GFPT1: variants seen among roughly 807,000 people sequenced by gnomAD.
GFPT1 encodes glutamine--fructose-6-phosphate aminotransferase [isomerizing] 1.
A neutral mutation model predicts 92.0 loss-of-function variants in GFPT1; 40 were observed. That is an observed-to-expected ratio of 0.43 (90% CI 0.34 to 0.57). The LOEUF (loss-of-function observed/expected upper bound fraction) is 0.57. Ranked by LOEUF, GFPT1 falls within the 20% of genes least tolerant of loss-of-function variation. GFPT1 has a pLI of 0.02. For missense variants in GFPT1, 448 were observed against 869.1 expected (o/e 0.52, Z 6.09); for synonymous variants, 269 against 280.6 (o/e 0.96, Z 0.41).
chr2:69,326,362 T>C lies in GFPT1; in HGVS notation c.2056-129A>G, dbSNP rs930009405. The C allele has an allele frequency of 1.0e-5, 7 of 667,708 alleles. No homozygotes were observed. In the African/African-American group the frequency reaches 1.3e-4, roughly 12 times the overall value. The allele number at this position is 667,708 out of a possible 1,614,324, so 41.4% of individuals were successfully genotyped here. ...CAATACATTCATTAACCATCTTTAT[T>C]ACAGACTACAAAGAATTAGATTAGA... On this transcript the variant is annotated intron_variant, in intron 19 of 19. Transcript: ENST00000357308.
intron 14 of GFPT1, among the ~76,000 whole-genome samples, 182 bp from the exon 15 acceptor site, chr2:69,338,237 T>A (rs1279645019): frequency 6.6e-6 from 1 of 152,220 alleles, no homozygotes. Context: ...CTCTCTTCCT[T>A]CTCTGTCATT....
At chr2:69,342,043 G>A (rs1670966056) in intron 13 of GFPT1, 109 bp downstream of exon 13, 6 of 636,798 alleles carry the variant, frequency 9.4e-6, no homozygotes, top group Non-Finnish European at 1.6e-5. Context: ...AAAGGGAAAA[G>A]ATAACACATT....
chr2:69,349,243 G>A (rs117327951), intron 10 of GFPT1, among the ~76,000 whole-genome samples: 2 of 152,220 alleles, frequency 1.3e-5, no homozygotes, highest in East Asian at 1.9e-4. Context: ...ATCTCCTGAC[G>A]CTAGCATATG....
intron 18 of GFPT1, among the ~76,000 whole-genome samples, chr2:69,327,691 T>A (rs933573926): frequency 1.2e-4 from 18 of 152,090 alleles, no homozygotes; most frequent in African/African-American, 4.3e-4. Context: ...TTAGAAGTAT[T>A]AAATTAAAAA....
rs1291241857 is a variant in GFPT1, at chr2:69,321,655, T to C, written c.*4534A>G. 1 of 152,178 alleles carries C rather than the reference T, an allele frequency of 6.6e-6. No homozygotes were observed. The highest frequency in any genetic ancestry group is 1.5e-5 in the Non-Finnish European group (1 of 68,024). 9.4% of individuals were successfully genotyped at this position (152,178 alleles called of 1,614,324 possible). A position where few individuals can be genotyped will look rare whatever the true frequency, so the allele number is the denominator to read the frequency against. ...TCACAAAACTGAAACAAAGCAAAGATGATCCTAAAATTTCCACTTCTCAAG... is the reference window on the plus strand; with the variant it reads ...TCACAAAACTGAAACAAAGCAAAGACGATCCTAAAATTTCCACTTCTCAAG... On this transcript the variant is annotated 3_prime_UTR_variant, in exon 20 of 20. Transcript: ENST00000357308.
rs1380591110 is a variant in GFPT1 at position 69,354,587 on chromosome 2, G to A, written c.606-19C>T. The A allele has an allele frequency of 1.3e-6, 2 of 1,504,268 alleles. No homozygotes were observed. Among genetic ancestry groups the A allele is most frequent in the Non-Finnish European group, 1.9e-6 (2 of 1,080,062 alleles). 93.2% of individuals were successfully genotyped at this position (1,504,268 alleles called of 1,614,324 possible). A position where few individuals can be genotyped will look rare whatever the true frequency, so the allele number is the denominator to read the frequency against. On this transcript the variant is annotated intron_variant, in intron 7 of 19. Coordinates refer to ENST00000357308, the MANE Select transcript of GFPT1 (RefSeq NM_001244710.2). ...ACCTCGCCTGTAAATTGCAAAAGCA[G>A]TTAGAATTAAACCATTTTTATAAAT...
At position 69,322,233 on chromosome 2, in the gene GFPT1, C is replaced by A. The variant is rs1414671317; in HGVS notation, c.*3956G>T. On this transcript the variant is annotated 3_prime_UTR_variant, in exon 20 of 20. Transcript: ENST00000357308. ...AATATCATAAAATGAAAATATCACT[C>A]CCTTCAATTTCTTTGGCCTTCACAA... is the stretch of plus-strand genomic sequence containing the variant. 3 of 152,128 alleles carry A rather than the reference C, an allele frequency of 2.0e-5. No individual in the cohort carries two copies. Among genetic ancestry groups the A allele is most frequent in the Non-Finnish European group, 4.4e-5 (3 of 68,010 alleles). The allele number at this position is 152,128 out of a possible 1,614,324, so 9.4% of individuals were successfully genotyped here. A position where few individuals can be genotyped will look rare whatever the true frequency, so the allele number is the denominator to read the frequency against.
intron 1 of GFPT1, among the ~76,000 whole-genome samples, chr2:69,382,048 G>C (rs1484634809): frequency 6.6e-6 from 1 of 151,812 alleles, no homozygotes; most frequent in East Asian, 1.9e-4. Flanking sequence ...ATTTTTAGTA[G>C]AGATGGGGCT....
chr2:69,329,598 C>T (rs1558728327), intron 16 of GFPT1, 86 bp downstream of exon 16: 3 of 1,030,564 alleles, frequency 2.9e-6, no homozygotes, highest in Non-Finnish European at 4.6e-6. Context: ...TAAATAGCTA[C>T]AAGCCACAGC....
At chr2:69,370,159 A>C in intron 2 of GFPT1, 51 bp from the exon 3 acceptor site, 1 of 1,085,394 alleles carries the variant, frequency 9.2e-7, no homozygotes, top group South Asian at 1.2e-5. Context: ...GCTACTGATA[A>C]AATTATTAAT....
chr2:69,344,186 C>CAAAAAAAAAAAAA (rs10602884), intron 12 of GFPT1, among the ~76,000 whole-genome samples: 4 of 64,524 alleles, frequency 6.2e-5, no homozygotes, highest in Admixed American at 1.9e-4. Context: ...AAAAGCAAAG[C>CAAAAAAAAAAAAA]AAAAAAAAAA....
intron 7 of GFPT1, 42 bp downstream of exon 7, chr2:69,356,454 A>C (rs1671340340): frequency 7.3e-7 from 1 of 1,364,554 alleles, no homozygotes; most frequent in South Asian, 1.2e-5. Flanking sequence ...ATGTAACTCA[A>C]ATATGTTGAA....
In GFPT1 at chr2:69,329,833, C is replaced by T. The variant is rs778236518; in HGVS notation, c.1483-35G>A. 7.8e-6 allele frequency: 8 copies of T among 1,019,228 alleles called. No individual in the cohort carries two copies. The South Asian group carries it at 8.8e-5, about 11-fold the overall frequency. 63.1% of individuals were successfully genotyped at this position (1,019,228 alleles called of 1,614,324 possible). ...CACAAAAAAGCAGGACAATTAGTTG[C>T]AGCTGCATCTGAAGAATTTAGAACT... On this transcript the variant is annotated intron_variant, in intron 15 of 19. Coordinates refer to ENST00000357308, the MANE Select transcript of GFPT1 (RefSeq NM_001244710.2).
chr2:69,330,381 G>A (rs1670631036), intron 15 of GFPT1, among the ~76,000 whole-genome samples: 2 of 152,026 alleles, frequency 1.3e-5, no homozygotes, highest in African/African-American at 4.8e-5. Context: ...CCCTAAGAAA[G>A]GAAGGAAAAG....
At chr2:69,346,255 T>G (rs1296424858) in intron 11 of GFPT1, among the ~76,000 whole-genome samples, 1 of 152,172 alleles carries the variant, frequency 6.6e-6, no homozygotes, top group Non-Finnish European at 1.5e-5. Context: ...TTTTTTTTTT[T>G]TGAGACGGAG....
chr2:69,339,031 G>C (rs1372622927), intron 13 of GFPT1, among the ~76,000 whole-genome samples: 1 of 152,036 alleles, frequency 6.6e-6, no homozygotes. Context: ...TGATCTGCTC[G>C]CCTCAGCCTC....
chr2:69,359,151 C>A, intron 5 of GFPT1, 117 bp downstream of exon 5: 1 of 724,626 alleles, frequency 1.4e-6, no homozygotes. Flanking sequence ...TGGAATTGTC[C>A]AAGAAATTAA....
At chr2:69,366,968 C>A (rs1244080581) in intron 3 of GFPT1, among the ~76,000 whole-genome samples, 1 of 152,182 alleles carries the variant, frequency 6.6e-6, no homozygotes, top group Non-Finnish European at 1.5e-5. Flanking sequence ...CCCAACTACC[C>A]ATACTCAGAG....
intron 19 of GFPT1, 33 bp from the exon 20 acceptor site, chr2:69,326,266 G>C: frequency 6.6e-7 from 1 of 1,504,066 alleles, no homozygotes. Flanking sequence ...AGCAAGATTT[G>C]AGAGATTATA....
Sources: gnomAD v4.1 joint callset for allele counts (sites outside exome capture counted in the v4.1 genomes callset) on GRCh38, gnomAD v4.1.1 for gene constraint, MANE v1.5 for transcripts, NCBI Gene and HGNC (gene_info 2026-07-23, HGNC 2026-07-21) for gene names.